NKAIN2: variants seen among roughly 807,000 people sequenced by gnomAD.
The protein encoded by NKAIN2 is sodium/potassium transporting ATPase interacting 2, also known as sodium/potassium-transporting ATPase subunit beta-1-interacting protein 2.
NKAIN2 carries 14 observed loss-of-function variants against 32.6 expected under a neutral mutation model. That is an observed-to-expected ratio of 0.43 (90% CI 0.28 to 0.67). The LOEUF is 0.67. NKAIN2 is among the 30% of genes least tolerant of loss of function. NKAIN2 has a pLI of 0.17. For synonymous variants in NKAIN2, 80 were observed against 87.2 expected, an observed-to-expected ratio of 0.92 and a Z score of 0.46; for missense variants, 198 against 258.3, an observed-to-expected ratio of 0.77 and a Z score of 1.60.
At chr6:124,179,378 T>C (rs1789324851) in intron 1 of NKAIN2, among the ~76,000 whole-genome samples, 1 of 152,192 alleles carries the variant, frequency 6.6e-6, no homozygotes, top group Admixed American at 6.5e-5. Context: ...AAGGAAGTGA[T>C]CTCAAATGCA....
chr6:124,754,134 G>T (rs949874673), intron 4 of NKAIN2, among the ~76,000 whole-genome samples: 1 of 152,052 alleles, frequency 6.6e-6, no homozygotes, highest in African/African-American at 2.4e-5. Context: ...AACTGAGTTT[G>T]CAATTGTGTA....
At chr6:123,825,755 C>CT (rs1471948617) in intron 1 of NKAIN2, among the ~76,000 whole-genome samples, 1 of 152,124 alleles carries the variant, frequency 6.6e-6, no homozygotes, top group East Asian at 1.9e-4. Flanking sequence ...AAATCCCCCA[C>CT]TGTGTGTGTT....
chr6:123,886,605 T>C (rs959213664), intron 1 of NKAIN2, among the ~76,000 whole-genome samples: 9 of 152,150 alleles, frequency 5.9e-5, no homozygotes, highest in Admixed American at 2.0e-4. Context: ...AAGAAGTGAA[T>C]GCTAAACTCA....
rs148268729 is a variant in NKAIN2, at chr6:124,149,963, C to G, written c.55-133042C>G. Among the ~76,000 whole-genome samples, 41 of 152,082 alleles carry G rather than the reference C, an allele frequency of 2.7e-4. 2 individuals carry two copies. ...TAATTAAAATTTATTGTTCCCCTTT[C>G]GGTGAAGGTCAGGGGCATGGATGAT... On this transcript the variant is annotated intron_variant, in intron 1 of 6. Transcript: ENST00000368417.
intron 3 of NKAIN2, among the ~76,000 whole-genome samples, chr6:124,587,434 G>A (rs1260107953): frequency 2.0e-5 from 3 of 151,340 alleles, no homozygotes; most frequent in Non-Finnish European, 2.9e-5. Context: ...TAGTCAGGCT[G>A]GTCTCGAACT....
At chr6:124,582,655 T>TA (rs1005689356) in intron 3 of NKAIN2, among the ~76,000 whole-genome samples, 6 of 151,756 alleles carry the variant, frequency 4.0e-5, no homozygotes, top group Non-Finnish European at 8.8e-5. Context: ...ATGGGCACAT[T>TA]AAAAAAAGAA....
intron 1 of NKAIN2, among the ~76,000 whole-genome samples, chr6:124,036,773 G>A (rs529270624): frequency 6.6e-6 from 1 of 152,166 alleles, no homozygotes; most frequent in East Asian, 1.9e-4. Context: ...TCAGAAGTGT[G>A]TATGTGTTTT....
At chr6:124,725,642 A>G (rs1776246822) in intron 4 of NKAIN2, among the ~76,000 whole-genome samples, 2 of 152,214 alleles carry the variant, frequency 1.3e-5, no homozygotes, top group African/African-American at 4.8e-5. Context: ...CTGAAAGGGC[A>G]ATCAGTTGTT....
intron 2 of NKAIN2, among the ~76,000 whole-genome samples, chr6:124,320,990 A>G (rs574304276): frequency 6.6e-6 from 1 of 152,190 alleles, no homozygotes. Flanking sequence ...TGTGAGCCAC[A>G]TAAGAGCAGG....
At position 123,805,583 on chromosome 6, in the gene NKAIN2, G is replaced by GT. The variant is rs112497491; in HGVS notation, c.54+1332dup. On this transcript the variant is annotated intron_variant, in intron 1 of 6. Transcript: ENST00000368417. ...TAAATGTAATTTTCAGAATGTGGTA[G>GT]TTTCTCAATGATGTGTAAACCAGTT... Among the ~76,000 whole-genome samples, 850 of 152,232 alleles carry GT rather than the reference G, an allele frequency of 5.6e-3. 11 individuals carry two copies. Among genetic ancestry groups the GT allele is most frequent in the African/African-American group, 0.02 (818 of 41,550 alleles).
At chr6:123,910,737 C>T (rs1367452348) in intron 1 of NKAIN2, among the ~76,000 whole-genome samples, 1 of 151,794 alleles carries the variant, frequency 6.6e-6, no homozygotes, top group Non-Finnish European at 1.5e-5. Context: ...ATCTCTTGAC[C>T]TCGTGATCTG....
chr6:124,598,647 G>A (rs1162888561), intron 3 of NKAIN2, among the ~76,000 whole-genome samples: 2 of 147,056 alleles, frequency 1.4e-5, no homozygotes, highest in Non-Finnish European at 3.0e-5. Context: ...GGATAGGTGA[G>A]CCCAATAGAG....
intron 1 of NKAIN2, among the ~76,000 whole-genome samples, chr6:124,212,288 A>C (rs945662495): frequency 6.6e-6 from 1 of 152,076 alleles, no homozygotes; most frequent in Non-Finnish European, 1.5e-5. Flanking sequence ...TCTCTTTTAA[A>C]TTATTTTTAT....
intron 1 of NKAIN2, among the ~76,000 whole-genome samples, chr6:123,846,840 G>A (rs1001912069): frequency 1.0e-4 from 7 of 68,980 alleles, no homozygotes; most frequent in African/African-American, 1.9e-4. Context: ...ACACACGCAC[G>A]CGCGCACACA....
intron 6 of NKAIN2, among the ~76,000 whole-genome samples, chr6:124,819,802 G>A (rs1781319619): frequency 6.6e-6 from 1 of 152,074 alleles, no homozygotes; most frequent in Admixed American, 6.6e-5. Flanking sequence ...GGAGATATTA[G>A]GAAAATGTAG....
At chr6:124,231,653 A>G (rs554186383) in intron 1 of NKAIN2, among the ~76,000 whole-genome samples, 2 of 152,088 alleles carry the variant, frequency 1.3e-5, no homozygotes, top group African/African-American at 4.8e-5. Context: ...TTCCCTGCAC[A>G]AGCTCTCTTT....
At chr6:123,897,547 G>A (rs1445628016) in intron 1 of NKAIN2, among the ~76,000 whole-genome samples, 2 of 152,040 alleles carry the variant, frequency 1.3e-5, no homozygotes, top group Non-Finnish European at 2.9e-5. Context: ...TTTGCTCCTT[G>A]GACTGATAAC....
At chr6:123,834,954 T>C (rs893721891) in intron 1 of NKAIN2, among the ~76,000 whole-genome samples, 2 of 152,182 alleles carry the variant, frequency 1.3e-5, no homozygotes, top group African/African-American at 4.8e-5. Context: ...TTATACGTTG[T>C]TGGATTTGAT....
At chr6:123,987,020 C>T (rs186743511) in intron 1 of NKAIN2, among the ~76,000 whole-genome samples, 17 of 152,262 alleles carry the variant, frequency 1.1e-4, no homozygotes, top group East Asian at 5.8e-4. Flanking sequence ...TAAATTCATA[C>T]GGCTCTCAGT....
Sources: gnomAD v4.1 joint callset for allele counts (sites outside exome capture counted in the v4.1 genomes callset) on GRCh38, gnomAD v4.1.1 for gene constraint, MANE v1.5 for transcripts, NCBI Gene and HGNC (gene_info 2026-07-23, HGNC 2026-07-21) for gene names.